ROBO4: variants seen among roughly 807,000 people sequenced by gnomAD.
ROBO4 encodes the protein roundabout guidance receptor 4.
In ROBO4, 80 loss-of-function variants were observed where a neutral mutation model predicts 103.3. The observed-to-expected ratio is 0.77, with a 90% CI of 0.65 to 0.93. The LOEUF is 0.93. Ranked by LOEUF, ROBO4 falls within the 40% of genes least tolerant of loss-of-function variation. The probability of loss-of-function intolerance (pLI) is 0.00; values close to 1 mark genes in which losing one functional copy is unlikely to be tolerated. For synonymous variants in ROBO4, 504 were observed against 529.7 expected, an observed-to-expected ratio of 0.95 and a Z score of 0.67; for missense variants, 1,333 against 1,305.3, an observed-to-expected ratio of 1.02 and a Z score of -0.33.
At position 124,896,162 on chromosome 11, in the gene ROBO4, A is replaced by T. The variant is rs368908037; in HGVS notation, c.679+36T>A. On this transcript the variant is annotated intron_variant, in intron 4 of 17. Coordinates refer to ENST00000306534, the MANE Select transcript of ROBO4 (RefSeq NM_019055.6). Reference sequence around the variant, plus strand: ...ATACACCACCCCAACTGGAGCCTGCAGCCTGGCTCTGATTGTAGCCCACCC... The same window carrying T: ...ATACACCACCCCAACTGGAGCCTGCTGCCTGGCTCTGATTGTAGCCCACCC... 1.2e-4 allele frequency: 198 copies of T among 1,609,222 alleles called. 1 individual carries two copies. In the Admixed American group the frequency reaches 3.3e-3, roughly 27 times the overall value.
intron 12 of ROBO4, among the ~76,000 whole-genome samples, chr11:124,888,292 A>T (rs1443114098): frequency 1.3e-5 from 2 of 152,168 alleles, no homozygotes; most frequent in Non-Finnish European, 2.9e-5. Flanking sequence ...AGTAAGAAAA[A>T]TACTCCTTCT....
At chr11:124,893,787 C>A in intron 9 of ROBO4, 57 bp from the exon 10 acceptor site, 2 of 1,613,292 alleles carry the variant, frequency 1.2e-6, no homozygotes, top group Non-Finnish European at 1.7e-6. Flanking sequence ...GGTCAGAGAT[C>A]CAAAGCCCCT....
chr11:124,894,412 C>G, intron 7 of ROBO4, 43 bp from the exon 8 acceptor site: 30 of 1,578,896 alleles, frequency 1.9e-5, no homozygotes, highest in Non-Finnish European at 2.5e-5. Context: ...AGGCACCATC[C>G]CAGAAGCCAA....
intron 6 of ROBO4, 90 bp from the exon 7 acceptor site, chr11:124,895,283 T>A (rs1946865258): frequency 1.7e-6 from 2 of 1,205,852 alleles, no homozygotes; most frequent in Non-Finnish European, 2.4e-6. Context: ...GTCAGAACCC[T>A]ACTGAAGAGA....
At chr11:124,886,937 G>A in intron 15 of ROBO4, 40 bp downstream of exon 15, 1 of 1,573,722 alleles carries the variant, frequency 6.4e-7, no homozygotes, top group South Asian at 1.2e-5. Context: ...TGCCCCCACA[G>A]CTTTTCTGTA....
chr11:124,885,226 G>T lies in ROBO4; in HGVS notation c.2816C>A (p.Pro939Gln), dbSNP rs772461026. 1.9e-6 allele frequency: 3 copies of T among 1,612,254 alleles called. No individual in the cohort carries two copies. The highest frequency in any genetic ancestry group is 2.5e-6 in the Non-Finnish European group (3 of 1,179,988). The change falls in exon 17 of 18, where the codon CCA becomes CAA. Residue 939 changes from proline to glutamine, a missense_variant. Physicochemically the swap from Pro to Gln is moderately conservative, Grantham distance 76. Coordinates refer to ENST00000306534, the MANE Select transcript of ROBO4 (RefSeq NM_019055.6). Reference sequence around the variant, plus strand: ...GGGGGTCAGGAAGATCTCATCCCGTGGGGAGGGAGGTGATGAGGCATCTGT... The same window carrying T: ...GGGGGTCAGGAAGATCTCATCCCGTTGGGAGGGAGGTGATGAGGCATCTGT... ...VFIDASSPPS[P>Q]RDEIFLTPNL...
intron 10 of ROBO4, 192 bp from the exon 11 acceptor site, chr11:124,891,994 C>T: frequency 1.3e-6 from 1 of 743,608 alleles, no homozygotes; most frequent in East Asian, 2.7e-5. Context: ...GCACCCCTTT[C>T]TTATTCCTGG....
chr11:124,890,594 G>A (rs1454768832), intron 12 of ROBO4, among the ~76,000 whole-genome samples: 1 of 152,194 alleles, frequency 6.6e-6, no homozygotes, highest in Non-Finnish European at 1.5e-5. Context: ...CCCTCTTCCT[G>A]TCTGTAAAAT....
intron 14 of ROBO4, 30 bp from the exon 15 acceptor site, chr11:124,887,243 T>C: frequency 6.3e-7 from 1 of 1,586,784 alleles, no homozygotes; most frequent in Non-Finnish European, 8.6e-7. Flanking sequence ...GATGGCACCG[T>C]AGTTACTACA....
rs112424754 is a variant in ROBO4, at chr11:124,896,641, G to A, written c.430C>T (p.Arg144Trp). ...TCACCCACCACAGCCACCATGTCCC[G>A]AGGCTGGATCTGGAAATCCTCCCGG... The part of the protein sequence containing the change: ...VLREDFQIQP[R>W]DMVAVVGEQF... Residue 144 changes from arginine to tryptophan, a missense_variant, in exon 3 of 18, where the codon CGG (arginine) becomes TGG (tryptophan). Transcript: ENST00000306534. 251 of 1,614,148 alleles carry A rather than the reference G, an allele frequency of 1.6e-4. 1 individual carries two copies. The African/African-American group carries it at 2.7e-3, about 17-fold the overall frequency.
At position 124,895,856 on chromosome 11, in the gene ROBO4, T is replaced by C; in HGVS notation, c.736A>G (p.Asn246Asp). ...GGATCCGGGTTCAGCAGTGTCACAT[T>C]TTCCAGCTGAATTCGCACAGCCAGA... The part of the protein sequence containing the change: ...ELLAVRIQLE[N>D]VTLLNPDPAE... The change falls in exon 5 of 18, where the codon AAT (asparagine) becomes GAT (aspartate). Residue 246 changes from asparagine (N) to aspartate (D), a missense_variant. Asn to Asp is a conservative substitution (Grantham distance 23). Coordinates refer to ENST00000306534, the MANE Select transcript of ROBO4 (RefSeq NM_019055.6). 6.2e-7 allele frequency: 1 copy of C among 1,614,144 alleles called. No homozygotes were observed. The highest frequency in any genetic ancestry group is 8.5e-7 in the Non-Finnish European group (1 of 1,180,028).
At chr11:124,894,991 C>A in intron 7 of ROBO4, 90 bp downstream of exon 7, 1 of 1,010,838 alleles carries the variant, frequency 9.9e-7, no homozygotes, top group Non-Finnish European at 1.5e-6. Context: ...AGGTACCTTT[C>A]TCAGTGCCCA....
chr11:124,886,478 T>C lies in ROBO4; in HGVS notation c.2780A>G (p.Asp927Gly). The change falls in exon 16 of 18, where the codon GAC becomes GGC. Residue 927 changes from aspartate (D) to glycine (G), a missense_variant. Transcript: ENST00000306534. Reference protein sequence around the residue: ...FGFGLEPREADCVFIDASSPP... With the variant: ...FGFGLEPREAGCVFIDASSPP... ...ACCTCACATACCTATGAAGACGCAG[T>C]CTGCCTCCCTGGGCTCTAGACCGAA... is the stretch of plus-strand genomic sequence containing the variant. The C allele has an allele frequency of 6.2e-7, 1 of 1,613,202 alleles. No individual in the cohort carries two copies. Among genetic ancestry groups the C allele is most frequent in the Non-Finnish European group, 8.5e-7 (1 of 1,179,218 alleles).
Position 124,887,508 on chromosome 11 carries a change from G to A in ROBO4, c.2057-9C>T. 6.2e-7 allele frequency: 1 copy of A among 1,613,434 alleles called. No homozygotes were observed. Among genetic ancestry groups the A allele is most frequent in the South Asian group, 1.1e-5 (1 of 91,040 alleles). On this transcript the variant is annotated splice_polypyrimidine_tract_variant and intron_variant, in intron 13 of 17. Coordinates refer to ENST00000306534, the MANE Select transcript of ROBO4 (RefSeq NM_019055.6). ...AGCTTGGGGCACAGCTCCTGGGGAA[G>A]AGAAGCCTGGGTGTGAGAACAGTGG...
In ROBO4 at chr11:124,887,353, C is replaced by T. The variant is rs769944693; in HGVS notation, c.2198+5G>A. On this transcript the variant is annotated splice_donor_5th_base_variant and intron_variant, in intron 14 of 17. Coordinates refer to ENST00000306534, the MANE Select transcript of ROBO4 (RefSeq NM_019055.6). Reference sequence around the variant, plus strand: ...GCCCTGCTTCCCGACCCCATGCCCTCTTACTGGGTCTGTTGACTCTGAGTT... The same window carrying T: ...GCCCTGCTTCCCGACCCCATGCCCTTTTACTGGGTCTGTTGACTCTGAGTT... 1.6e-5 allele frequency: 26 copies of T among 1,613,978 alleles called. No individual in the cohort carries two copies. The highest frequency in any genetic ancestry group is 1.8e-5 in the Non-Finnish European group (21 of 1,179,904).
In ROBO4 at chr11:124,897,134, C is replaced by A; in HGVS notation, c.198G>T (p.Leu66Phe). ...SGQPPPTIRWLLNGQPLSMVP... is the reference protein window; with the variant it reads ...SGQPPPTIRWFLNGQPLSMVP... ...CCATGCTCAGGGGCTGCCCATTCAGCAACCAGCGGATGGTGGGAGGTGGCT... is the reference window on the plus strand; with the variant it reads ...CCATGCTCAGGGGCTGCCCATTCAGAAACCAGCGGATGGTGGGAGGTGGCT... Residue 66 changes from leucine to phenylalanine, a missense_variant, in exon 2 of 18, where the codon TTG (leucine) becomes TTT (phenylalanine). Leu to Phe is a conservative substitution (Grantham distance 22). Coordinates refer to ENST00000306534, the MANE Select transcript of ROBO4 (RefSeq NM_019055.6). 1 of 1,570,904 alleles carries A rather than the reference C, an allele frequency of 6.4e-7. No homozygotes were observed. Among genetic ancestry groups the A allele is most frequent in the Non-Finnish European group, 8.7e-7 (1 of 1,155,904 alleles).
At chr11:124,893,481 A>T (rs118077976) in intron 10 of ROBO4, among the ~76,000 whole-genome samples, 3 of 152,186 alleles carry the variant, frequency 2.0e-5, no homozygotes, top group African/African-American at 7.2e-5. Flanking sequence ...AGAAGGTTTT[A>T]TGAGTTTCAG....
chr11:124,895,618 C>T lies in ROBO4; in HGVS notation c.875G>A (p.Gly292Asp). The T allele has an allele frequency of 1.2e-6, 2 of 1,613,808 alleles. No individual in the cohort carries two copies. Among genetic ancestry groups the T allele is most frequent in the Admixed American group, 1.7e-5 (1 of 60,030 alleles). ...ALFRTQTAPG[G>D]QGAPWAEELL... Reference sequence around the variant, plus strand: ...CTCCTCTGCCCACGGAGCTCCCTGGCCTCCCGGGGCAGTCTGGGTCCTGAA... The same window carrying T: ...CTCCTCTGCCCACGGAGCTCCCTGGTCTCCCGGGGCAGTCTGGGTCCTGAA... The change falls in exon 6 of 18, where the codon GGC (glycine) becomes GAC (aspartate). Residue 292 changes from glycine (G) to aspartate (D), a missense_variant. Physicochemically the swap from Gly to Asp is moderately conservative, Grantham distance 94 (BLOSUM62 -1). Transcript: ENST00000306534.
chr11:124,887,346 A>G lies in ROBO4; in HGVS notation c.2198+12T>C. On this transcript the variant is annotated intron_variant, in intron 14 of 17. Transcript: ENST00000306534. Reference sequence around the variant, plus strand: ...TCTCCCAGCCCTGCTTCCCGACCCCATGCCCTCTTACTGGGTCTGTTGACT... The same window carrying G: ...TCTCCCAGCCCTGCTTCCCGACCCCGTGCCCTCTTACTGGGTCTGTTGACT... The G allele has an allele frequency of 6.2e-7, 1 of 1,613,480 alleles. No homozygotes were observed.
Sources: gnomAD v4.1 joint callset for allele counts (sites outside exome capture counted in the v4.1 genomes callset) on GRCh38, gnomAD v4.1.1 for gene constraint, MANE v1.5 for transcripts, NCBI Gene and HGNC (gene_info 2026-07-23, HGNC 2026-07-21) for gene names.